The following OLFML2A variants were observed in gnomAD, a reference collection of about 807,000 sequenced individuals.
The protein encoded by OLFML2A is olfactomedin-like protein 2A.
In OLFML2A, 47 loss-of-function variants were observed where a neutral mutation model predicts 60.9. That is an observed-to-expected ratio of 0.77 (90% CI 0.61 to 0.98). The LOEUF (loss-of-function observed/expected upper bound fraction) is 0.98, where lower values mean the gene tolerates loss of function less well. Ranked by LOEUF, OLFML2A falls within the 50% of genes least tolerant of loss-of-function variation. The pLI is 0.00. For missense variants in OLFML2A, 922 were observed against 879.8 expected, an observed-to-expected ratio of 1.05 and a Z score of -0.61; for synonymous variants, 372 against 375.0, an observed-to-expected ratio of 0.99 and a Z score of 0.09.
chr9:124,788,023 G>C (rs958029834), intron 2 of OLFML2A, among the ~76,000 whole-genome samples: 2 of 151,950 alleles, frequency 1.3e-5, no homozygotes, highest in Non-Finnish European at 2.9e-5. Flanking sequence ...ACCTTCGGCC[G>C]GGCATGGTGG....
chr9:124,790,220 T>C (rs1438251225), intron 2 of OLFML2A, among the ~76,000 whole-genome samples: 6 of 151,590 alleles, frequency 4.0e-5, no homozygotes, highest in Non-Finnish European at 7.4e-5. Flanking sequence ...CAGGCTGGAG[T>C]GCAATGGCGC....
chr9:124,807,089 A>ATTTTTTTT (rs151131740), intron 6 of OLFML2A, among the ~76,000 whole-genome samples: 1 of 142,430 alleles, frequency 7.0e-6, no homozygotes, highest in Admixed American at 7.0e-5. Flanking sequence ...AATTAAAAAA[A>ATTTTTTTT]TTTTTTTTTT....
intron 1 of OLFML2A, among the ~76,000 whole-genome samples, chr9:124,781,328 G>A: frequency 6.6e-6 from 1 of 152,150 alleles, no homozygotes; most frequent in Non-Finnish European, 1.5e-5. Flanking sequence ...GAGGGTAGGT[G>A]GACATGGGTC....
intron 2 of OLFML2A, among the ~76,000 whole-genome samples, chr9:124,788,081 A>C (rs1415044047): frequency 1.3e-5 from 2 of 151,394 alleles, no homozygotes. Context: ...CTGGAGGATC[A>C]CCTGAGGTGA....
chr9:124,791,332 G>A (rs1037310852), intron 2 of OLFML2A, among the ~76,000 whole-genome samples: 2 of 152,210 alleles, frequency 1.3e-5, no homozygotes, highest in Non-Finnish European at 2.9e-5. Context: ...ACTTCCTCTA[G>A]CACAGCGCTT....
chr9:124,807,994 G>A, intron 7 of OLFML2A, 28 bp downstream of exon 7: 1 of 1,590,184 alleles, frequency 6.3e-7, no homozygotes, highest in Non-Finnish European at 8.6e-7. Context: ...GTGGAGAGGG[G>A]GCTGGGTATG....
At chr9:124,799,200 A>T in intron 3 of OLFML2A, 85 bp from the exon 4 acceptor site, 1 of 990,362 alleles carries the variant, frequency 1.0e-6, no homozygotes. Context: ...GCAAAGCCTA[A>T]TGACCAAAGC....
intron 5 of OLFML2A, 119 bp downstream of exon 5, chr9:124,801,782 G>T: frequency 8.8e-7 from 1 of 1,140,952 alleles, no homozygotes; most frequent in Admixed American, 2.5e-5. Context: ...ATTACCTGTT[G>T]GGTGCCCTCT....
intron 2 of OLFML2A, among the ~76,000 whole-genome samples, chr9:124,788,789 C>T (rs1488358689): frequency 1.3e-5 from 2 of 152,192 alleles, no homozygotes; most frequent in Non-Finnish European, 2.9e-5. Context: ...CCATTTGTAC[C>T]ATGCTCAGCT....
Position 124,814,184 on chromosome 9 carries a change from T to C in OLFML2A, c.*3772T>C, listed in dbSNP as rs1454980758. 1 of 152,310 alleles carries C rather than the reference T, an allele frequency of 6.6e-6. No homozygotes were observed. Among genetic ancestry groups the C allele is most frequent in the African/African-American group, 2.4e-5 (1 of 41,460 alleles). 9.4% of individuals were successfully genotyped at this position (152,310 alleles called of 1,614,324 possible). A position where few individuals can be genotyped will look rare whatever the true frequency, so the allele number is the denominator to read the frequency against. The stretch of plus-strand genomic sequence containing the variant: ...CTGGGGGATTTTCCTGGGAATGATT[T>C]GAGGGCTCTTGAAAGCCCATGTGTT... On this transcript the variant is annotated 3_prime_UTR_variant, in exon 8 of 8. Coordinates refer to ENST00000373580, the MANE Select transcript of OLFML2A (RefSeq NM_182487.4).
At chr9:124,794,760 T>C (rs1841633965) in intron 2 of OLFML2A, among the ~76,000 whole-genome samples, 1 of 152,206 alleles carries the variant, frequency 6.6e-6, no homozygotes, top group African/African-American at 2.4e-5. Flanking sequence ...TAGCTGGGAC[T>C]ACAGGCACAC....
intron 2 of OLFML2A, among the ~76,000 whole-genome samples, chr9:124,789,190 A>T (rs1338931530): frequency 6.6e-6 from 1 of 152,202 alleles, no homozygotes; most frequent in African/African-American, 2.4e-5. Flanking sequence ...TTAGCCTCCC[A>T]AAATGCTGGG....
chr9:124,804,032 AG>A (rs1251762227), intron 5 of OLFML2A, 61 bp from the exon 6 acceptor site: 4 of 1,580,658 alleles, frequency 2.5e-6, no homozygotes, highest in Admixed American at 3.4e-5. Flanking sequence ...AGTGGACCTT[AG>A]GGAGACCCAC....
chr9:124,779,378 G>A lies in OLFML2A; in HGVS notation c.90+2018G>A, dbSNP rs1282880630. On this transcript the variant is annotated intron_variant, in intron 1 of 7. Coordinates refer to ENST00000373580, the MANE Select transcript of OLFML2A (RefSeq NM_182487.4). The surrounding 1 kb of genome is among the most constrained non-coding windows in gnomAD (Gnocchi z 4.1). The stretch of plus-strand genomic sequence containing the variant: ...ACCTGATCAGTGCCTTGTCACCACT[G>A]GGATCTCTGGCTGGGAGGGATATTT... 6.6e-6 allele frequency among the ~76,000 whole-genome samples: 1 copy of A among 152,206 alleles called. No homozygotes were observed. Among genetic ancestry groups the A allele is most frequent in the African/African-American group, 2.4e-5 (1 of 41,452 alleles).
chr9:124,777,364 C>T lies in OLFML2A; in HGVS notation c.90+4C>T, dbSNP rs1841277212. ...CCCCACGCGCGCCGACAGTAAGGTA[C>T]GCACGCCCCTCGGACCCGCGCGGCT... On this transcript the variant is annotated splice_donor_region_variant and intron_variant, in intron 1 of 7. Transcript: ENST00000373580. The surrounding 1 kb of genome is among the most constrained non-coding windows in gnomAD (Gnocchi z 6.2). The T allele has an allele frequency of 1.6e-6, 2 of 1,272,966 alleles. No homozygotes were observed. The highest frequency in any genetic ancestry group is 3.2e-5 in the East Asian group (1 of 31,212). The allele number at this position is 1,272,966 out of a possible 1,614,324, so 78.9% of individuals were successfully genotyped here. A position where few individuals can be genotyped will look rare whatever the true frequency, so the allele number is the denominator to read the frequency against.
chr9:124,796,579 A>G (rs1312375701), intron 3 of OLFML2A, among the ~76,000 whole-genome samples: 8 of 152,234 alleles, frequency 5.3e-5, no homozygotes, highest in Non-Finnish European at 1.5e-5. Context: ...CCTTATGGAA[A>G]AATTAAAAGC....
At position 124,779,970 on chromosome 9, in the gene OLFML2A, G is replaced by A. The variant is rs1157185887; in HGVS notation, c.90+2610G>A. ...CCTGGGAGCTCTAGTCTGCCCTCTGGCCCAGCACATTCAGGGGTCCAGGGC... is the reference window on the plus strand; with the variant it reads ...CCTGGGAGCTCTAGTCTGCCCTCTGACCCAGCACATTCAGGGGTCCAGGGC... On this transcript the variant is annotated intron_variant, in intron 1 of 7. Coordinates refer to ENST00000373580, the MANE Select transcript of OLFML2A (RefSeq NM_182487.4). This position sits in a 1 kb window ranked among gnomAD's most constrained non-coding sequence, Gnocchi z 4.1. Among the ~76,000 whole-genome samples the A allele has an allele frequency of 1.3e-5, 2 of 152,186 alleles. No homozygotes were observed.
chr9:124,791,873 A>G (rs1382359643), intron 2 of OLFML2A, among the ~76,000 whole-genome samples: 3 of 152,054 alleles, frequency 2.0e-5, no homozygotes, highest in Non-Finnish European at 2.9e-5. Context: ...TAAAAAACCT[A>G]CTCCCATTTT....
chr9:124,785,447 G>T (rs1841450663), intron 1 of OLFML2A, among the ~76,000 whole-genome samples: 1 of 137,096 alleles, frequency 7.3e-6, no homozygotes, highest in African/African-American at 2.8e-5. Context: ...ACCCAGGCTG[G>T]AGTGCAGTGG....
Sources: gnomAD v4.1 joint callset for allele counts (sites outside exome capture counted in the v4.1 genomes callset) on GRCh38, gnomAD v4.1.1 for gene constraint, Gnocchi (gnomAD v3.1) non-coding constraint, MANE v1.5 for transcripts, NCBI Gene and HGNC (gene_info 2026-07-23, HGNC 2026-07-21) for gene names.